MACF1: variants seen among roughly 807,000 people sequenced by gnomAD.
MACF1 encodes the protein microtubule-actin cross-linking factor 1.
In MACF1, 193 loss-of-function variants were observed where a neutral mutation model predicts 854.8. The observed-to-expected ratio is 0.23, with a 90% confidence interval of 0.20 to 0.25. The LOEUF (loss-of-function observed/expected upper bound fraction) is 0.25. Among genes scored for constraint, MACF1 ranks in the 10% least tolerant of loss-of-function variants. The pLI is 1.00. For missense variants in MACF1, 7,722 were observed against 8,929.1 expected, an observed-to-expected ratio of 0.86 and a Z score of 5.45; for synonymous variants, 3,185 against 3,226.7, an observed-to-expected ratio of 0.99 and a Z score of 0.44.
chr1:39,471,853 A>G (rs939703476), intron 97 of MACF1, among the ~76,000 whole-genome samples: 12 of 152,170 alleles, frequency 7.9e-5, no homozygotes, highest in African/African-American at 2.9e-4. Context: ...TACAGATAAA[A>G]TTTACCATCC....
At chr1:39,179,581 A>G (rs1175292668) in intron 2 of MACF1, among the ~76,000 whole-genome samples, 2 of 152,284 alleles carry the variant, frequency 1.3e-5, no homozygotes, top group East Asian at 1.9e-4. Flanking sequence ...ATATGTAAAG[A>G]GCATTGCCTG....
In MACF1 at chr1:39,484,655, AGTCGGACATCCCTTGCTG is replaced by A; in HGVS notation, c.22339_22356del (p.Arg7447_Gly7452del). ...ACGACCAACACCAACTTTTCATTCTAGTCGGACATCCCTTGCTGGTGATACCAGCAATAGTTCTTCCCC... is the reference window on the plus strand; with the variant it reads ...ACGACCAACACCAACTTTTCATTCTAGTGATACCAGCAATAGTTCTTCCCC... On this transcript the variant is annotated inframe_deletion, in exon 100 of 101. Transcript: ENST00000564288. 6.2e-7 allele frequency: 1 copy of A among 1,614,078 alleles called. No homozygotes were observed. The highest frequency in any genetic ancestry group is 8.5e-7 in the Non-Finnish European group (1 of 1,179,930).
rs376361649 is a variant in MACF1 at position 39,334,890 on chromosome 1, G to A, written c.8302G>A (p.Asp2768Asn). The A allele has an allele frequency of 1.1e-5, 17 of 1,614,050 alleles. No homozygotes were observed. The highest frequency in any genetic ancestry group is 5.5e-5 in the South Asian group (5 of 91,078). Residue 2768 changes from aspartate to asparagine, a missense_variant, in exon 37 of 101, where the codon GAT becomes AAT. Coordinates refer to ENST00000564288, the MANE Select transcript of MACF1 (RefSeq NM_001394062.1). Reference protein sequence around the residue: ...MIQIDSSEFSDHRAQIEKQEG... With the variant: ...MIQIDSSEFSNHRAQIEKQEG... ...CCAAATAGATAGTTCAGAGTTCAGC[G>A]ATCACAGGGCTCAGATTGAAAAGCA...
At chr1:39,175,066 C>T (rs1644006475) in intron 2 of MACF1, among the ~76,000 whole-genome samples, 1 of 152,120 alleles carries the variant, frequency 6.6e-6, no homozygotes, top group African/African-American at 2.4e-5. Context: ...GTCTTTCTTG[C>T]CCTTTTCTGT....
chr1:39,210,216 G>A (rs1644499555), intron 1 of MACF1, among the ~76,000 whole-genome samples: 1 of 152,016 alleles, frequency 6.6e-6, no homozygotes, highest in Non-Finnish European at 1.5e-5. Flanking sequence ...CAATAACTGT[G>A]TGTCCTCCAT....
chr1:39,483,074 A>G (rs1334986833), intron 99 of MACF1, among the ~76,000 whole-genome samples: 3 of 134,720 alleles, frequency 2.2e-5, no homozygotes, highest in Non-Finnish European at 4.7e-5. Flanking sequence ...GTGATGGAGC[A>G]AGACTCTGTC....
At chr1:39,190,422 T>TTTGCC (rs1644240921) in intron 2 of MACF1, among the ~76,000 whole-genome samples, 2 of 111,670 alleles carry the variant, frequency 1.8e-5, no homozygotes, top group Non-Finnish European at 3.5e-5. Flanking sequence ...TTTTTTTTGA[T>TTTGCC]GGAATCTTGC....
intron 55 of MACF1, 119 bp from the exon 56 acceptor site, chr1:39,381,834 G>A (rs1203672488): frequency 4.0e-6 from 3 of 753,282 alleles, no homozygotes; most frequent in African/African-American, 1.7e-5. Context: ...TCTCAAATAA[G>A]TAAATAAATA....
At chr1:39,299,915 G>A in intron 21 of MACF1, among the ~76,000 whole-genome samples, 1 of 152,184 alleles carries the variant, frequency 6.6e-6, no homozygotes, top group Non-Finnish European at 1.5e-5. Context: ...GCTGTATTTG[G>A]AAGCTAGAAG....
intron 2 of MACF1, among the ~76,000 whole-genome samples, chr1:39,100,742 T>C (rs1642049273): frequency 6.6e-6 from 1 of 151,442 alleles, no homozygotes; most frequent in African/African-American, 2.4e-5. Context: ...TAATCCCAGC[T>C]ACTCGAGAGG....
chr1:39,327,572 A>T (rs2148462558), intron 36 of MACF1, among the ~76,000 whole-genome samples: 1 of 152,344 alleles, frequency 6.6e-6, no homozygotes, highest in East Asian at 1.9e-4. Flanking sequence ...CTAACCCTTT[A>T]GACCTGGTTC....
At chr1:39,325,950 A>AT (rs920095218) in intron 35 of MACF1, among the ~76,000 whole-genome samples, 21 of 151,820 alleles carry the variant, frequency 1.4e-4, no homozygotes, top group South Asian at 8.3e-4. Context: ...TGGTTGTGGA[A>AT]TTTTTTTTTC....
chr1:39,315,695 A>C lies in MACF1; in HGVS notation c.3449+4A>C. 6.2e-7 allele frequency: 1 copy of C among 1,612,644 alleles called. No homozygotes were observed. Among genetic ancestry groups the C allele is most frequent in the Non-Finnish European group, 8.5e-7 (1 of 1,179,372 alleles). On this transcript the variant is annotated splice_donor_region_variant and intron_variant, in intron 27 of 100. Coordinates refer to ENST00000564288, the MANE Select transcript of MACF1 (RefSeq NM_001394062.1). ...TCTCTACTGTATATCTGAATAAGTG[A>C]GTGAGCTGAGGTTTTGGGTCCAAGA...
intron 58 of MACF1, among the ~76,000 whole-genome samples, chr1:39,420,863 A>ATT (rs1416930948): frequency 7.3e-6 from 1 of 137,358 alleles, no homozygotes; most frequent in African/African-American, 3.3e-5. Flanking sequence ...AGAGAAACCC[A>ATT]ATTTTTTTTT....
chr1:39,286,763 T>A (rs56898486), intron 14 of MACF1, among the ~76,000 whole-genome samples: 307 of 152,076 alleles, frequency 2.0e-3, no homozygotes, highest in African/African-American at 6.6e-3. Context: ...GACCCACATC[T>A]CTTGACCCCT....
Position 39,178,008 on chromosome 1 carries a change from G to A in MACF1, c.221-53174G>A, listed in dbSNP as rs147405967. ...TGGGATCACCGAGAGGGGGATTTCC[G>A]CAGAATCTGGGCTGTCAGGGAAATC... On this transcript the variant is annotated intron_variant, in intron 2 of 93. Coordinates refer to the MACF1 transcript ENST00000361689. Among the ~76,000 whole-genome samples, 1,054 of 151,712 alleles carry A rather than the reference G, an allele frequency of 6.9e-3. 11 individuals carry two copies. Among genetic ancestry groups the A allele is most frequent in the African/African-American group, 0.024 (989 of 41,372 alleles).
rs776428431 is a variant in MACF1, at chr1:39,460,587, G to A, written c.21361-45G>A. On this transcript the variant is annotated intron_variant, in intron 91 of 100. Coordinates refer to ENST00000564288, the MANE Select transcript of MACF1 (RefSeq NM_001394062.1). This position sits in a 1 kb window ranked among gnomAD's most constrained non-coding sequence, Gnocchi z 4.1. ...TGGGTATGCTCTGGGCAGCTTTTGA[G>A]GGCCCAAAAAATAAATCTTATTGAC... 6.3e-7 allele frequency: 1 copy of A among 1,596,124 alleles called. No individual in the cohort carries two copies.
chr1:39,381,719 A>G (rs868847969), intron 55 of MACF1, among the ~76,000 whole-genome samples: 1 of 152,106 alleles, frequency 6.6e-6, no homozygotes, highest in African/African-American at 2.4e-5. Context: ...AGTCCCAGCT[A>G]CTTGGGACGC....
At chr1:39,385,389 C>G (rs1257933598) in intron 56 of MACF1, 45 bp from the exon 57 acceptor site, 3 of 1,593,646 alleles carry the variant, frequency 1.9e-6, no homozygotes, top group Non-Finnish European at 1.7e-6. Context: ...TTAGATAGAT[C>G]TGTTTTTTTC....
Sources: gnomAD v4.1 joint callset for allele counts (sites outside exome capture counted in the v4.1 genomes callset) on GRCh38, gnomAD v4.1.1 for gene constraint, Gnocchi (gnomAD v3.1) non-coding constraint, MANE v1.5 for transcripts, NCBI Gene and HGNC (gene_info 2026-07-23, HGNC 2026-07-21) for gene names.